RORB: variants seen among roughly 807,000 people sequenced by gnomAD.
RORB encodes RAR related orphan receptor B, also known as nuclear receptor ROR-beta.
In RORB, 6 loss-of-function variants were observed where a neutral mutation model predicts 59.1. That is an observed-to-expected ratio of 0.10 (90% confidence interval 0.06 to 0.20). The LOEUF (loss-of-function observed/expected upper bound fraction) is 0.20, where lower values mean the gene tolerates loss of function less well. Among genes scored for constraint, RORB ranks in the 10% least tolerant of loss-of-function variants. RORB has a pLI of 1.00. For synonymous variants in RORB, 215 were observed against 204.5 expected (o/e 1.05, Z -0.44); for missense variants, 320 against 560.5 (o/e 0.57, Z 4.33).
intron 1 of RORB, among the ~76,000 whole-genome samples, chr9:74,540,853 G>T (rs1212944204): frequency 6.6e-6 from 1 of 152,132 alleles, no homozygotes; most frequent in African/African-American, 2.4e-5. Flanking sequence ...CAGAATTGAA[G>T]AGTTAAATAC....
At chr9:74,670,950 G>A (rs1335976466) in intron 8 of RORB, among the ~76,000 whole-genome samples, 5 of 152,138 alleles carry the variant, frequency 3.3e-5, no homozygotes, top group Admixed American at 1.3e-4. Context: ...GATCATGTTC[G>A]AGTTCTTTTC....
intron 1 of RORB, among the ~76,000 whole-genome samples, chr9:74,629,838 C>T (rs184352280): frequency 4.5e-4 from 68 of 152,226 alleles, no homozygotes; most frequent in Non-Finnish European, 8.2e-4. Context: ...TGCACTGCTC[C>T]CTCCCAGAGT....
At chr9:74,594,984 T>C (rs764238889) in intron 1 of RORB, among the ~76,000 whole-genome samples, 2 of 152,164 alleles carry the variant, frequency 1.3e-5, no homozygotes, top group Non-Finnish European at 2.9e-5. Flanking sequence ...TGTCCCTTTT[T>C]AGTGGATGAT....
rs191086062 is a variant in RORB at position 74,685,716 on chromosome 9, C to T, written c.*98C>T. On this transcript the variant is annotated 3_prime_UTR_variant, in exon 10 of 10. Coordinates refer to ENST00000376896, the MANE Select transcript of RORB (RefSeq NM_006914.4). Reference sequence around the variant, plus strand: ...CTTAAGAAAAATGTCACTACTGCAACATTAGGAATGTCCTGCACTTAATAG... The same window carrying T: ...CTTAAGAAAAATGTCACTACTGCAATATTAGGAATGTCCTGCACTTAATAG... 6.8e-6 allele frequency: 6 copies of T among 881,156 alleles called. No individual in the cohort carries two copies. Among genetic ancestry groups the T allele is most frequent in the African/African-American group, 1.7e-5 (1 of 59,938 alleles). The allele number at this position is 881,156 out of a possible 1,614,324, so 54.6% of individuals were successfully genotyped here.
intron 9 of RORB, among the ~76,000 whole-genome samples, chr9:74,677,261 C>T (rs561782982): frequency 6.6e-6 from 1 of 152,292 alleles, no homozygotes; most frequent in Admixed American, 6.5e-5. Flanking sequence ...GGGAGGCGTT[C>T]CTTTCATTTC....
Position 74,688,311 on chromosome 9 carries a change from CT to C in RORB, c.*2696del, listed in dbSNP as rs1824680787. The C allele has an allele frequency of 6.6e-6, 1 of 152,162 alleles. No individual in the cohort carries two copies. Among genetic ancestry groups the C allele is most frequent in the Middle Eastern group, 3.2e-3 (1 of 316 alleles). 9.4% of individuals were successfully genotyped at this position (152,162 alleles called of 1,614,324 possible). A position where few individuals can be genotyped will look rare whatever the true frequency, so the allele number is the denominator to read the frequency against. ...TTGGGTTACAGTTGCCCAACCTTCC[CT>C]TTAAAGAGAATCCAGTCATGTTTTC... On this transcript the variant is annotated 3_prime_UTR_variant, in exon 10 of 10. Coordinates refer to ENST00000376896, the MANE Select transcript of RORB (RefSeq NM_006914.4).
chr9:74,524,842 G>C (rs1000951350), intron 1 of RORB, among the ~76,000 whole-genome samples: 1 of 151,738 alleles, frequency 6.6e-6, no homozygotes, highest in Admixed American at 6.6e-5. Flanking sequence ...CTTTAAATTT[G>C]TTAAAAATTT....
intron 9 of RORB, among the ~76,000 whole-genome samples, chr9:74,680,661 CAAAAACAA>C (rs1824532752): frequency 6.6e-6 from 1 of 151,268 alleles, no homozygotes; most frequent in African/African-American, 2.4e-5. Context: ...CAACAGAAAC[CAAAAACAA>C]AAAAAGAAAA....
At chr9:74,531,916 C>T (rs1242764005) in intron 1 of RORB, among the ~76,000 whole-genome samples, 1 of 151,944 alleles carries the variant, frequency 6.6e-6, no homozygotes, top group Non-Finnish European at 1.5e-5. Flanking sequence ...GTGTCAAAAT[C>T]ATTGCCATTT....
At chr9:74,654,850 A>T (rs889993595) in intron 4 of RORB, among the ~76,000 whole-genome samples, 2 of 152,172 alleles carry the variant, frequency 1.3e-5, no homozygotes, top group East Asian at 1.9e-4. Flanking sequence ...GGGGGGAAAA[A>T]GTTTTATGTG....
At chr9:74,655,662 G>A (rs1824067049) in intron 4 of RORB, among the ~76,000 whole-genome samples, 1 of 152,146 alleles carries the variant, frequency 6.6e-6, no homozygotes, top group African/African-American at 2.4e-5. Flanking sequence ...TTTGCATACT[G>A]TATTCATTGT....
At chr9:74,650,937 C>T (rs1470956899) in intron 4 of RORB, among the ~76,000 whole-genome samples, 1 of 152,114 alleles carries the variant, frequency 6.6e-6, no homozygotes, top group Non-Finnish European at 1.5e-5. Context: ...GGAGAGATTG[C>T]ATCTGTTTAA....
At chr9:74,666,657 A>T (rs956227386) in intron 7 of RORB, among the ~76,000 whole-genome samples, 1 of 152,010 alleles carries the variant, frequency 6.6e-6, no homozygotes. Flanking sequence ...GAGTTAAGAT[A>T]CTTAATTAAA....
Position 74,497,702 on chromosome 9 carries a change from A to T in RORB, c.-275A>T. 1 of 507,578 alleles carries T rather than the reference A, an allele frequency of 2.0e-6. No individual in the cohort carries two copies. Among genetic ancestry groups the T allele is most frequent in the Admixed American group, 3.2e-5 (1 of 30,792 alleles). The allele number at this position is 507,578 out of a possible 1,614,324, so 31.4% of individuals were successfully genotyped here. ...CCAAAACAAAACCCAGGCACCAGAC[A>T]GCCAGAACATTTTTTTTTCACCCTT... On this transcript the variant is annotated 5_prime_UTR_variant, in exon 1 of 10. Coordinates refer to ENST00000376896, the MANE Select transcript of RORB (RefSeq NM_006914.4).
chr9:74,649,152 G>A (rs753997186), intron 4 of RORB, among the ~76,000 whole-genome samples: 2 of 151,994 alleles, frequency 1.3e-5, no homozygotes, highest in Non-Finnish European at 2.9e-5. Context: ...GTTTCACCAT[G>A]TTGACTAGGC....
rs777746728 is a variant in RORB, at chr9:74,665,567, T to C, written c.972T>C (p.Tyr324=). ...LNNTVLFEGK[Y]GGMQMFKALG... is the part of the protein sequence containing the mutation. Reference sequence around the variant, plus strand: ...ACACTGTTCTGTTTGAAGGAAAATATGGAGGAATGCAAATGTTCAAAGCCT... The same window carrying C: ...ACACTGTTCTGTTTGAAGGAAAATACGGAGGAATGCAAATGTTCAAAGCCT... The change falls in exon 7 of 10, where the codon TAT becomes TAC. Residue 324 remains tyrosine, a synonymous_variant. Coordinates refer to ENST00000376896, the MANE Select transcript of RORB (RefSeq NM_006914.4). The C allele has an allele frequency of 1.2e-6, 2 of 1,612,564 alleles. No individual in the cohort carries two copies.
rs149194125 is a variant in RORB, at chr9:74,596,979, C to T, written c.8-33303C>T. ...GCAGAATGAGAAGCTCTTGCTCTCT[C>T]GGCATCCCTTCATTCCCAGGGAAAG... On this transcript the variant is annotated intron_variant, in intron 1 of 9. Transcript: ENST00000376896. Among the ~76,000 whole-genome samples, 434 of 152,276 alleles carry T rather than the reference C, an allele frequency of 2.9e-3. 3 individuals are homozygous for T. Among genetic ancestry groups the T allele is most frequent in the African/African-American group, 9.5e-3 (394 of 41,586 alleles).
intron 9 of RORB, among the ~76,000 whole-genome samples, chr9:74,674,646 C>T (rs1824405979): frequency 6.6e-6 from 1 of 152,118 alleles, no homozygotes; most frequent in Non-Finnish European, 1.5e-5. Flanking sequence ...AAACTTTAAC[C>T]TTAGAAGGTT....
intron 1 of RORB, among the ~76,000 whole-genome samples, chr9:74,507,240 G>A (rs949453886): frequency 2.0e-4 from 30 of 152,016 alleles, no homozygotes; most frequent in African/African-American, 6.8e-4. Flanking sequence ...CTTAAGTCTA[G>A]TGTTTTTCTC....
Sources: allele counts gnomAD v4.1 joint callset (sites outside exome capture counted in the v4.1 genomes callset), GRCh38; gene constraint gnomAD v4.1.1; transcripts MANE v1.5; gene names NCBI Gene and HGNC (gene_info 2026-07-23, HGNC 2026-07-21).